The following PLS3 variants were observed in gnomAD, a reference collection of about 807,000 sequenced individuals.
PLS3 encodes the protein plastin 3.
A neutral mutation model predicts 46.5 loss-of-function variants in PLS3; 11 were observed. That is an observed-to-expected ratio of 0.24 (90% CI 0.15 to 0.39). The LOEUF is 0.39. Ranked by LOEUF, PLS3 falls within the 10% of genes least tolerant of loss-of-function variation. The pLI, the probability that PLS3 is intolerant of heterozygous loss-of-function variation, is 1.00. For synonymous variants in PLS3, 167 were observed against 162.2 expected (o/e 1.03, Z -0.22); for missense variants, 308 against 461.8 (o/e 0.67, Z 3.05).
intron 9 of PLS3, among the ~76,000 whole-genome samples, chrX:115,641,496 G>C (rs781803110): frequency 9.0e-6 from 1 of 110,743 alleles, no homozygotes; most frequent in East Asian, 2.8e-4. Context: ...CAAAGTGCTG[G>C]GATTACAGGT....
At chrX:115,610,905 T>C (rs2074542266) in intron 2 of PLS3, 1 of 1,031,802 alleles carries the variant, frequency 9.7e-7, no homozygotes. Flanking sequence ...TGCCTTACAA[T>C]TGAGCAGCTA....
intron 2 of PLS3, chrX:115,614,178 C>T: frequency 6.3e-6 from 1 of 157,740 alleles, no homozygotes; most frequent in Non-Finnish European, 1.1e-5. Context: ...ACCGTGTTAG[C>T]CAGGATGGTC....
At chrX:115,635,112 G>T in intron 7 of PLS3, 66 bp downstream of exon 7, 1 of 961,803 alleles carries the variant, frequency 1.0e-6, no homozygotes, top group Non-Finnish European at 1.5e-6. Context: ...GCAGACTTTC[G>T]TGCTCTCACT....
rs114186394 is a variant in PLS3, at chrX:115,610,223, C to A, written c.-8-20C>A. 1.1e-6 allele frequency: 1 copy of A among 928,758 alleles called. No individual in the cohort carries two copies. Among genetic ancestry groups the A allele is most frequent in the South Asian group, 2.4e-5 (1 of 41,008 alleles). The allele number at this position is 928,758 out of a possible 1,213,427, so 76.5% of individuals were successfully genotyped here. On this transcript the variant is annotated intron_variant, in intron 1 of 15. Transcript: ENST00000355899. Reference sequence around the variant, plus strand: ...TATCACAATTTTTTAAAGTCTGAAACGTTTTTGGTTTTTCTTTAGATCTTT... The same window carrying A: ...TATCACAATTTTTTAAAGTCTGAAAAGTTTTTGGTTTTTCTTTAGATCTTT...
rs781862999 is a variant in PLS3, at chrX:115,568,737, C to T, written c.-9+7477C>T. 2.1e-3 allele frequency among the ~76,000 whole-genome samples: 233 copies of T among 112,170 alleles called. 1 individual carries two copies. The highest frequency in any genetic ancestry group is 3.1e-3 in the Admixed American group (33 of 10,558). On this transcript the variant is annotated intron_variant, in intron 1 of 15. Coordinates refer to ENST00000355899, the MANE Select transcript of PLS3 (RefSeq NM_005032.7). ...AAAAAGATAGCCTTGATTTCAGTGGCATTTAAAAAAAGAAGGCTGGGCATG... is the reference window on the plus strand; with the variant it reads ...AAAAAGATAGCCTTGATTTCAGTGGTATTTAAAAAAAGAAGGCTGGGCATG...
chrX:115,623,577 C>T (rs1340510015), intron 3 of PLS3, among the ~76,000 whole-genome samples: 1 of 111,535 alleles, frequency 9.0e-6, no homozygotes, highest in Non-Finnish European at 1.9e-5. Context: ...CTTCTTCCCT[C>T]AATTAAGGAT....
chrX:115,600,937 G>A lies in PLS3; in HGVS notation c.-8-9306G>A, dbSNP rs142309086. Among the ~76,000 whole-genome samples the A allele has an allele frequency of 5.5e-4, 61 of 110,804 alleles. 1 individual carries two copies. The East Asian group carries it at 0.016, about 29-fold the overall frequency. ...TCTAAGCATGAGACGCAGATAGAGA[G>A]AGAGGAAGTTCTTAATGGAAGACAG... On this transcript the variant is annotated intron_variant, in intron 1 of 15. Transcript: ENST00000355899.
chrX:115,626,346 G>A (rs1370844108), intron 3 of PLS3, among the ~76,000 whole-genome samples: 1 of 107,340 alleles, frequency 9.3e-6, no homozygotes, highest in Non-Finnish European at 1.9e-5. Context: ...GTGCAGTGGC[G>A]TGATCTCGGC....
chrX:115,586,701 AAAC>A (rs2074311837), intron 1 of PLS3, among the ~76,000 whole-genome samples: 1 of 109,780 alleles, frequency 9.1e-6, no homozygotes, highest in Non-Finnish European at 1.9e-5. Context: ...AAAAGTTTCT[AAAC>A]AACATTGTAC....
chrX:115,630,044 C>A, intron 5 of PLS3, 77 bp downstream of exon 5: 1 of 716,839 alleles, frequency 1.4e-6, no homozygotes, highest in Non-Finnish European at 2.0e-6. Flanking sequence ...TTTCTGCATG[C>A]TTGACAGGTT....
At chrX:115,646,288 A>T in intron 12 of PLS3, 102 bp downstream of exon 12, 1 of 926,032 alleles carries the variant, frequency 1.1e-6, no homozygotes, top group East Asian at 3.1e-5. Flanking sequence ...TGAGGACAAA[A>T]CTGTGTCTTA....
At chrX:115,579,764 G>A (rs1556631637) in intron 1 of PLS3, among the ~76,000 whole-genome samples, 2 of 111,589 alleles carry the variant, frequency 1.8e-5, no homozygotes, top group Non-Finnish European at 3.8e-5. Context: ...ACAGGGTCTT[G>A]CTCTGTTGCC....
chrX:115,649,722 G>A lies in PLS3; in HGVS notation c.*161G>A. 2 of 410,703 alleles carry A rather than the reference G, an allele frequency of 4.9e-6. No homozygotes were observed. The highest frequency in any genetic ancestry group is 8.0e-6 in the Non-Finnish European group (2 of 249,290). The allele number at this position is 410,703 out of a possible 1,213,427, so 33.8% of individuals were successfully genotyped here. A position where few individuals can be genotyped will look rare whatever the true frequency, so the allele number is the denominator to read the frequency against. ...TTATCATGAGAGCCCTCAGGGGAAA[G>A]GGTTTAAGAAAAACAACTCCTCTTT... On this transcript the variant is annotated 3_prime_UTR_variant, in exon 16 of 16. Coordinates refer to ENST00000355899, the MANE Select transcript of PLS3 (RefSeq NM_005032.7).
chrX:115,576,542 C>A (rs1603219392), intron 1 of PLS3, among the ~76,000 whole-genome samples: 1 of 111,503 alleles, frequency 9.0e-6, no homozygotes, highest in African/African-American at 3.3e-5. Context: ...GATCCTGTCT[C>A]AAAAAAATAA....
At chrX:115,643,720 C>T (rs1556641323) in intron 10 of PLS3, among the ~76,000 whole-genome samples, 1 of 112,027 alleles carries the variant, frequency 8.9e-6, no homozygotes, top group African/African-American at 3.2e-5. Flanking sequence ...GCTGTAATCC[C>T]AGCACTTTGG....
Position 115,650,215 on chromosome X carries a change from G to A in PLS3, c.*654G>A, listed in dbSNP as rs1194601799. 1 of 111,040 alleles carries A rather than the reference G, an allele frequency of 9.0e-6. No homozygotes were observed. The highest frequency in any genetic ancestry group is 9.7e-5 in the Admixed American group (1 of 10,305). 9.2% of individuals were successfully genotyped at this position (111,040 alleles called of 1,213,427 possible). A position where few individuals can be genotyped will look rare whatever the true frequency, so the allele number is the denominator to read the frequency against. On this transcript the variant is annotated 3_prime_UTR_variant, in exon 16 of 16. Transcript: ENST00000355899. ...TGCTGATTTTGCTACTTTTTTTAAG[G>A]GGTCTTCAAGTAAGTAAAACATACA...
At chrX:115,607,326 G>A (rs781970967) in intron 1 of PLS3, among the ~76,000 whole-genome samples, 3 of 110,642 alleles carry the variant, frequency 2.7e-5, no homozygotes, top group Admixed American at 1.9e-4. Context: ...ATTACTAACT[G>A]AAGAACTTTC....
At chrX:115,642,595 A>C (rs1003221047) in intron 9 of PLS3, among the ~76,000 whole-genome samples, 1 of 111,335 alleles carries the variant, frequency 9.0e-6, no homozygotes, top group African/African-American at 3.3e-5. Context: ...CAAGGAGTCC[A>C]CTCTGTCATG....
intron 1 of PLS3, among the ~76,000 whole-genome samples, chrX:115,573,093 C>CAAAAAAAAAAAAAAA (rs1163578692): frequency 6.6e-5 from 2 of 30,185 alleles, no homozygotes; most frequent in Admixed American, 3.5e-4. Context: ...GACTCCGTCT[C>CAAAAAAAAAAAAAAA]AAAAAAAAAA....
Sources: gnomAD v4.1 joint callset for allele counts (sites outside exome capture counted in the v4.1 genomes callset) on GRCh38, gnomAD v4.1.1 for gene constraint, MANE v1.5 for transcripts, NCBI Gene and HGNC (gene_info 2026-07-23, HGNC 2026-07-21) for gene names.